Variants in DOP1A observed in about 807,000 individuals in gnomAD.
DOP1A encodes the protein protein DOP1A.
In DOP1A, 90 loss-of-function variants were observed where a neutral mutation model predicts 267.6. That is an observed-to-expected ratio of 0.34 (90% CI 0.28 to 0.40). DOP1A has a LOEUF of 0.40. Ranked by LOEUF, DOP1A falls within the 10% of genes least tolerant of loss-of-function variation. The pLI is 1.00. For missense variants in DOP1A, 2,437 were observed against 2,900.4 expected, an observed-to-expected ratio of 0.84 and a Z score of 3.67; for synonymous variants, 932 against 999.1, an observed-to-expected ratio of 0.93 and a Z score of 1.27.
intron 3 of DOP1A, among the ~76,000 whole-genome samples, chr6:83,097,893 A>C (rs1771800971): frequency 6.7e-6 from 1 of 148,702 alleles, no homozygotes; most frequent in Non-Finnish European, 1.5e-5. Flanking sequence ...ATTTTATTTT[A>C]TTTTCATTTA....
At chr6:83,091,835 G>A (rs1341223156) in intron 1 of DOP1A, among the ~76,000 whole-genome samples, 1 of 152,136 alleles carries the variant, frequency 6.6e-6, no homozygotes, top group African/African-American at 2.4e-5. Context: ...TAAAATTTAT[G>A]CGTGTGTTTT....
rs1484871372 is a variant in DOP1A at position 83,139,994 on chromosome 6, CT to C, written c.5121-4del. 5.0e-6 allele frequency: 8 copies of C among 1,600,142 alleles called. No individual in the cohort carries two copies. In the Admixed American group the frequency reaches 6.7e-5, roughly 13 times the overall value. The stretch of plus-strand genomic sequence containing the variant: ...CTTGTGTTTAAATGAATGCATTTTA[CT>C]TCAGGCCTCTGTGGATGGCATCAAT... On this transcript the variant is annotated splice_polypyrimidine_tract_variant and splice_region_variant and intron_variant, in intron 21 of 38. Transcript: ENST00000349129.
intron 1 of DOP1A, among the ~76,000 whole-genome samples, chr6:83,077,682 A>G (rs369116313): frequency 8.1e-4 from 124 of 152,302 alleles, no homozygotes; most frequent in African/African-American, 2.5e-3. Context: ...TCTCAAAAAA[A>G]TAAAAAGGAC....
intron 15 of DOP1A, 85 bp from the exon 16 acceptor site, chr6:83,128,801 TA>T: frequency 6.9e-7 from 1 of 1,454,304 alleles, no homozygotes. Flanking sequence ...GTGAATAGTC[TA>T]AAACATCTCA....
chr6:83,098,280 G>A (rs1292386404), intron 3 of DOP1A, among the ~76,000 whole-genome samples: 1 of 152,154 alleles, frequency 6.6e-6, no homozygotes, highest in East Asian at 1.9e-4. Context: ...TTTTTCCTCT[G>A]CTCTCACCAC....
chr6:83,121,662 G>C (rs1776402518), intron 10 of DOP1A, among the ~76,000 whole-genome samples: 1 of 151,638 alleles, frequency 6.6e-6, no homozygotes, highest in African/African-American at 2.4e-5. Context: ...TAAATAACTT[G>C]TCTAATGTAA....
chr6:83,073,629 A>G (rs767601095), intron 1 of DOP1A, among the ~76,000 whole-genome samples: 14 of 152,218 alleles, frequency 9.2e-5, no homozygotes, highest in Admixed American at 2.6e-4. Flanking sequence ...CTACATGACA[A>G]ATTATCTCAA....
intron 24 of DOP1A, among the ~76,000 whole-genome samples, chr6:83,142,764 A>G (rs1444544542): frequency 6.6e-6 from 1 of 151,750 alleles, no homozygotes; most frequent in African/African-American, 2.4e-5. Context: ...TTTTTTTTCT[A>G]CTTTTTTTGG....
chr6:83,146,336 C>T (rs57194350), intron 25 of DOP1A, among the ~76,000 whole-genome samples: 2,883 of 152,258 alleles, frequency 0.019, 105 homozygotes, highest in African/African-American at 0.066. Context: ...CTAATCACAT[C>T]CTTTAAAGAA....
At chr6:83,133,288 A>G (rs1418917304) in intron 18 of DOP1A, among the ~76,000 whole-genome samples, 1 of 152,152 alleles carries the variant, frequency 6.6e-6, no homozygotes, top group Non-Finnish European at 1.5e-5. Context: ...TTCATTTTTA[A>G]AGAAATACTC....
intron 37 of DOP1A, 143 bp downstream of exon 37, chr6:83,160,103 A>G: frequency 1.2e-6 from 1 of 809,570 alleles, no homozygotes; most frequent in Non-Finnish European, 1.9e-6. Flanking sequence ...TTGGCACAGC[A>G]GAGTTATCGG....
At chr6:83,131,724 T>C (rs2128242606) in intron 17 of DOP1A, among the ~76,000 whole-genome samples, 1 of 152,110 alleles carries the variant, frequency 6.6e-6, no homozygotes, top group South Asian at 2.1e-4. Flanking sequence ...CAACTTGCGC[T>C]TTTCGGGTTC....
chr6:83,142,906 G>T (rs1779886849), intron 24 of DOP1A, among the ~76,000 whole-genome samples: 1 of 151,984 alleles, frequency 6.6e-6, no homozygotes, highest in South Asian at 2.1e-4. Flanking sequence ...GAATAGTAAG[G>T]CTATTATATA....
chr6:83,167,415 G>A, intron 38 of DOP1A: 2 of 980,672 alleles, frequency 2.0e-6, no homozygotes, highest in Non-Finnish European at 2.4e-6. Context: ...TAGATAAAAG[G>A]GAATTAACTA....
chr6:83,158,645 T>C (rs1783415652), intron 36 of DOP1A, 23 bp downstream of exon 36: 2 of 1,556,236 alleles, frequency 1.3e-6, no homozygotes, highest in Non-Finnish European at 8.8e-7. Flanking sequence ...TTAAATATAT[T>C]GTTGTCCATT....
intron 18 of DOP1A, among the ~76,000 whole-genome samples, chr6:83,133,822 T>G (rs1778455767): frequency 6.6e-6 from 1 of 152,074 alleles, no homozygotes; most frequent in Admixed American, 6.6e-5. Context: ...TTTTGATAAC[T>G]AAATGTTTAT....
chr6:83,168,180 G>C lies in DOP1A; in HGVS notation c.*13G>C, dbSNP rs1446056675. 3 of 1,604,142 alleles carry C rather than the reference G, an allele frequency of 1.9e-6. No homozygotes were observed. Among genetic ancestry groups the C allele is most frequent in the Middle Eastern group, 1.7e-4 (1 of 5,940 alleles). ...GATAAAAACTTGAGCACCATTGCTG[G>C]TTCCATTTAGCTTACATGTAAATGT... On this transcript the variant is annotated 3_prime_UTR_variant, in exon 39 of 39. Coordinates refer to ENST00000349129, the MANE Select transcript of DOP1A (RefSeq NM_015018.4).
intron 1 of DOP1A, among the ~76,000 whole-genome samples, chr6:83,083,797 G>A (rs982405171): frequency 1.3e-5 from 2 of 152,172 alleles, no homozygotes; most frequent in Non-Finnish European, 2.9e-5. Context: ...TTTGCCATTT[G>A]AAGCTTAAAG....
At chr6:83,168,802 T>C, downstream of DOP1A, 1 of 1,007,094 alleles carries the variant, frequency 9.9e-7, no homozygotes, top group Non-Finnish European at 1.2e-6. Flanking sequence ...ATGGAAAAAC[T>C]GGTTGTATAA....
Sources: gnomAD v4.1 joint callset for allele counts (sites outside exome capture counted in the v4.1 genomes callset) on GRCh38, gnomAD v4.1.1 for gene constraint, MANE v1.5 for transcripts, NCBI Gene and HGNC (gene_info 2026-07-23, HGNC 2026-07-21) for gene names.